NOD1: variants seen among roughly 807,000 people sequenced by gnomAD.
NOD1 encodes nucleotide-binding oligomerization domain-containing protein 1.
A neutral mutation model predicts 81.2 loss-of-function variants in NOD1; 70 were observed. The ratio of observed to expected loss-of-function variants is 0.86; its 90% CI spans 0.71 to 1.05. The LOEUF (loss-of-function observed/expected upper bound fraction) is 1.05. Ranked by LOEUF, NOD1 falls within the 50% of genes least tolerant of loss-of-function variation. NOD1 has a pLI of 0.00. For synonymous variants in NOD1, 508 were observed against 526.9 expected (o/e 0.96, Z 0.49); for missense variants, 1,233 against 1,228.0 (o/e 1.00, Z -0.06).
At chr7:30,473,787 G>A (rs576306344) in intron 1 of NOD1, among the ~76,000 whole-genome samples, 2 of 152,240 alleles carry the variant, frequency 1.3e-5, no homozygotes, top group Non-Finnish European at 2.9e-5. Flanking sequence ...CAGGGGTGGG[G>A]GTACTCACTG....
chr7:30,433,327 C>T, intron 11 of NOD1, 148 bp from the exon 12 acceptor site: 2 of 623,074 alleles, frequency 3.2e-6, no homozygotes, highest in South Asian at 2.0e-5. Flanking sequence ...AGGCTCCAAG[C>T]CCAGCCTGTC....
intron 13 of NOD1, among the ~76,000 whole-genome samples, chr7:30,427,954 T>G (rs1562648682): frequency 6.6e-6 from 1 of 152,218 alleles, no homozygotes; most frequent in Non-Finnish European, 1.5e-5. Context: ...CAAACACCCA[T>G]GCAAACAGTT....
At chr7:30,428,058 CTA>C (rs1783612576) in intron 13 of NOD1, among the ~76,000 whole-genome samples, 1 of 152,190 alleles carries the variant, frequency 6.6e-6, no homozygotes, top group Non-Finnish European at 1.5e-5. Flanking sequence ...GCTCTATTCT[CTA>C]TGATGGTGTT....
Position 30,425,638 on chromosome 7 carries a change from T to C in NOD1, c.2862A>G (p.Ter954TrpextTer29). The change falls in exon 14 of 14, where the codon TGA (stop) becomes TGG (tryptophan). Residue 954 changes from the stop codon to tryptophan (W), a stop_lost. Transcript: ENST00000222823. Reference sequence around the variant, plus strand: ...ACCCCATGAACAGGAAAGCATCCTCTCAGAAACAGATAATCCGCTTCTCAT... The same window carrying C: ...ACCCCATGAACAGGAAAGCATCCTCCCAGAAACAGATAATCCGCTTCTCAT... Reference protein sequence around the residue: ...YEDEKRIICF* With the variant: ...YEDEKRIICFW The C allele has an allele frequency of 6.2e-7, 1 of 1,612,350 alleles. No homozygotes were observed. The highest frequency in any genetic ancestry group is 2.2e-5 in the East Asian group (1 of 44,882).
chr7:30,453,437 T>C (rs1456852329), intron 5 of NOD1, among the ~76,000 whole-genome samples: 3 of 152,186 alleles, frequency 2.0e-5, no homozygotes, highest in East Asian at 1.9e-4. Context: ...CACTGCTTTT[T>C]TGTTGTTAGA....
chr7:30,446,086 CG>C, intron 9 of NOD1, 54 bp downstream of exon 9: 1 of 1,305,010 alleles, frequency 7.7e-7, no homozygotes, highest in Non-Finnish European at 1.1e-6. Context: ...CAGCAAGGCC[CG>C]CCCCCCACAC....
chr7:30,431,165 C>CT (rs1205679085), intron 12 of NOD1, among the ~76,000 whole-genome samples: 1 of 152,236 alleles, frequency 6.6e-6, no homozygotes, highest in East Asian at 1.9e-4. Context: ...CCAAGACTCT[C>CT]TTTCTGACCC....
intron 11 of NOD1, among the ~76,000 whole-genome samples, chr7:30,434,987 TC>T (rs1433842476): frequency 6.6e-6 from 1 of 151,960 alleles, no homozygotes; most frequent in Non-Finnish European, 1.5e-5. Context: ...CCCAGGCTAG[TC>T]TCGAACTCTT....
chr7:30,437,918 G>A (rs1028703766), intron 9 of NOD1, among the ~76,000 whole-genome samples: 2 of 152,232 alleles, frequency 1.3e-5, no homozygotes, highest in Admixed American at 6.5e-5. Context: ...GGCACAGTTA[G>A]AGACCGAGCC....
At chr7:30,454,277 G>A (rs572940809) in intron 5 of NOD1, among the ~76,000 whole-genome samples, 3 of 152,376 alleles carry the variant, frequency 2.0e-5, no homozygotes, top group Non-Finnish European at 1.5e-5. Flanking sequence ...AAAGTGGAGA[G>A]TTCAAAAGCA....
chr7:30,454,528 A>C (rs1431035704), intron 5 of NOD1, among the ~76,000 whole-genome samples: 1 of 152,202 alleles, frequency 6.6e-6, no homozygotes, highest in Non-Finnish European at 1.5e-5. Flanking sequence ...TTATTGAACT[A>C]ATCAGTTAAC....
chr7:30,432,133 T>C (rs1005344957), intron 12 of NOD1, among the ~76,000 whole-genome samples: 6 of 151,840 alleles, frequency 4.0e-5, no homozygotes, highest in African/African-American at 1.2e-4. Flanking sequence ...AAAACTGTTG[T>C]CCTTTAAAGG....
At chr7:30,450,607 G>A (rs568781545) in intron 6 of NOD1, among the ~76,000 whole-genome samples, 4 of 152,332 alleles carry the variant, frequency 2.6e-5, no homozygotes, top group East Asian at 1.9e-4. Flanking sequence ...GGCTGCTAGC[G>A]TTGATCACAG....
rs556460363 is a variant in NOD1 at position 30,447,294 on chromosome 7, GT to G, written c.2286-245del. 491 of 548,730 alleles carry G rather than the reference GT, an allele frequency of 8.9e-4. 2 individuals carry two copies. Among genetic ancestry groups the G allele is most frequent in the South Asian group, 6.7e-3 (343 of 51,174 alleles). 34.0% of individuals were successfully genotyped at this position (548,730 alleles called of 1,614,324 possible). Reference sequence around the variant, plus strand: ...TCTCTGTGCCTCAGTTTCTCCATCTGTAATACAGAGGTAATGATGATAGTCC... The same window carrying G: ...TCTCTGTGCCTCAGTTTCTCCATCTGAATACAGAGGTAATGATGATAGTCC... On this transcript the variant is annotated intron_variant, in intron 7 of 13. Coordinates refer to ENST00000222823, the MANE Select transcript of NOD1 (RefSeq NM_006092.4).
At chr7:30,448,073 C>T in intron 7 of NOD1, 1 of 554,910 alleles carries the variant, frequency 1.8e-6, no homozygotes, top group Non-Finnish European at 3.2e-6. Flanking sequence ...AGCCTACTTG[C>T]CTATACTGGG....
At chr7:30,445,278 T>TAAAA (rs55875433) in intron 9 of NOD1, among the ~76,000 whole-genome samples, 92 of 69,160 alleles carry the variant, frequency 1.3e-3, no homozygotes, top group African/African-American at 2.1e-3. Context: ...AAAAAGAATC[T>TAAAA]AAAAAAAAAA....
Position 30,451,547 on chromosome 7 carries a change from G to C in NOD1, c.1870C>G (p.Leu624Val). 1 of 1,613,246 alleles carries C rather than the reference G, an allele frequency of 6.2e-7. No homozygotes were observed. ...RRKRKALWAH[L>V]FSSLRGYLKS... ...AGGTAGCCCCGCAGGCTGGAAAACA[G>C]GTGTGCCCACAGGGCCTTGCGCTTT... Residue 624 changes from leucine to valine, a missense_variant, in exon 6 of 14, where the codon CTG becomes GTG. Transcript: ENST00000222823. The surrounding 1 kb of genome is among the most constrained non-coding windows in gnomAD (Gnocchi z 4.2).
rs369263969 is a variant in NOD1 at position 30,451,791 on chromosome 7, C to A, written c.1626G>T (p.Arg542Ser). 1.5e-5 allele frequency: 24 copies of A among 1,613,810 alleles called. No homozygotes were observed. The highest frequency in any genetic ancestry group is 3.3e-4 in the Middle Eastern group (2 of 6,062). ...DDRVGTQELL[R>S]FFQEWMPPAG... The stretch of plus-strand genomic sequence containing the variant: ...CAGGGGGCATCCACTCCTGGAAGAA[C>A]CTGAGCAGCTCCTGAGTGCCCACCC... Residue 542 changes from arginine (R) to serine (S), a missense_variant, in exon 6 of 14, where the codon AGG becomes AGT. Coordinates refer to ENST00000222823, the MANE Select transcript of NOD1 (RefSeq NM_006092.4). The surrounding 1 kb of genome is among the most constrained non-coding windows in gnomAD (Gnocchi z 4.2).
Position 30,452,835 on chromosome 7 carries a change from C to G in NOD1, c.582G>C (p.Gln194His), listed in dbSNP as rs147563269. ...CACCCAGGATGAAGATGGTCTCACC[C>G]TGCTCATTGAGGATGCCGGTGGTGT... The part of the protein sequence containing the change: ...LDHTTGILNE[Q>H]GETIFILGDA... Residue 194 changes from glutamine to histidine, a missense_variant, in exon 6 of 14, where the codon CAG becomes CAC. Coordinates refer to ENST00000222823, the MANE Select transcript of NOD1 (RefSeq NM_006092.4). 123 of 1,614,178 alleles carry G rather than the reference C, an allele frequency of 7.6e-5. No homozygotes were observed. The African/African-American group carries it at 1.5e-3, about 20-fold the overall frequency.
Sources: gnomAD v4.1 joint callset for allele counts (sites outside exome capture counted in the v4.1 genomes callset) on GRCh38, gnomAD v4.1.1 for gene constraint, Gnocchi (gnomAD v3.1) non-coding constraint, MANE v1.5 for transcripts, NCBI Gene and HGNC (gene_info 2026-07-23, HGNC 2026-07-21) for gene names.